Variants in TPTE2 observed in about 807,000 individuals in gnomAD.
TPTE2 encodes the protein phosphatidylinositol 3,4,5-trisphosphate 3-phosphatase TPTE2.
In TPTE2, 53 loss-of-function variants were observed where a neutral mutation model predicts 78.6. The observed-to-expected ratio is 0.67, with a 90% CI of 0.54 to 0.85. TPTE2 has a LOEUF of 0.85. Among genes scored for constraint, TPTE2 ranks in the 40% least tolerant of loss-of-function variants. TPTE2 has a pLI of 0.00. For missense variants in TPTE2, 461 were observed against 623.0 expected (o/e 0.74, Z 2.77); for synonymous variants, 175 against 206.2 (o/e 0.85, Z 1.30).
At chr13:19,464,763 A>G (rs1181539190) in intron 9 of TPTE2, among the ~76,000 whole-genome samples, 2 of 152,222 alleles carry the variant, frequency 1.3e-5, no homozygotes, top group African/African-American at 4.8e-5. Context: ...CCATGTACTT[A>G]TGATGGCCTC....
At chr13:19,471,292 G>C (rs1879600719) in intron 6 of TPTE2, among the ~76,000 whole-genome samples, 1 of 152,144 alleles carries the variant, frequency 6.6e-6, no homozygotes, top group Non-Finnish European at 1.5e-5. Flanking sequence ...TCATTGATAA[G>C]TAAGAACTCA....
At chr13:19,533,064 T>C (rs1451706510) in intron 1 of TPTE2, among the ~76,000 whole-genome samples, 1 of 152,236 alleles carries the variant, frequency 6.6e-6, no homozygotes, top group Non-Finnish European at 1.5e-5. Context: ...ATGAGTGTTA[T>C]ATGTGAAAAC....
At chr13:19,448,860 T>C (rs1878001355) in intron 13 of TPTE2, among the ~76,000 whole-genome samples, 1 of 152,232 alleles carries the variant, frequency 6.6e-6, no homozygotes, top group Non-Finnish European at 1.5e-5. Flanking sequence ...ACTGCAGCAT[T>C]ATTCATAATA....
chr13:19,557,670 A>G, the TPTE2 span, among the ~76,000 whole-genome samples: 1 of 152,152 alleles, frequency 6.6e-6, no homozygotes, highest in African/African-American at 2.4e-5. Context: ...TACAGTCCCA[A>G]GTTTTCCTTA....
At chr13:19,428,755 A>G (rs1285705245) in intron 17 of TPTE2, among the ~76,000 whole-genome samples, 2 of 152,140 alleles carry the variant, frequency 1.3e-5, no homozygotes, top group African/African-American at 2.4e-5. Flanking sequence ...AAAGGAAGAA[A>G]TAACCAACTA....
At chr13:19,530,354 AT>A (rs972797788) in intron 1 of TPTE2, among the ~76,000 whole-genome samples, 3 of 152,156 alleles carry the variant, frequency 2.0e-5, no homozygotes, top group African/African-American at 7.2e-5. Flanking sequence ...GTAAGTACCC[AT>A]GGGGTGCCGA....
Position 19,513,940 on chromosome 13 carries a change from T to G in TPTE2, c.-43-10663A>C, listed in dbSNP as rs146915852. On this transcript the variant is annotated intron_variant, in intron 1 of 17. Coordinates refer to the TPTE2 transcript ENST00000390680. The stretch of plus-strand genomic sequence containing the variant: ...ACAGATATCTTTGCTTCCCCTCAAA[T>G]AGGATCAAGTGACTAAACCTGAGGC... Among the ~76,000 whole-genome samples the G allele has an allele frequency of 6.1e-3, 928 of 152,228 alleles. 11 individuals are homozygous for G. The highest frequency in any genetic ancestry group is 8.3e-3 in the Non-Finnish European group (563 of 68,004).
At chr13:19,530,991 A>G (rs1478353015) in intron 1 of TPTE2, among the ~76,000 whole-genome samples, 3 of 152,306 alleles carry the variant, frequency 2.0e-5, no homozygotes, top group African/African-American at 7.2e-5. Flanking sequence ...GTCTATACCC[A>G]TTAAACACTA....
At chr13:19,466,181 A>G (rs1401866358) in intron 7 of TPTE2, among the ~76,000 whole-genome samples, 2 of 152,164 alleles carry the variant, frequency 1.3e-5, no homozygotes, top group Non-Finnish European at 2.9e-5. Flanking sequence ...GGCACATGTC[A>G]ATAAGAGCCA....
the TPTE2 span, among the ~76,000 whole-genome samples, chr13:19,551,566 A>G: frequency 1.3e-5 from 2 of 149,852 alleles, no homozygotes; most frequent in African/African-American, 4.9e-5. Context: ...AGCCTGAGAG[A>G]CAGAGAGAGA....
At chr13:19,454,196 T>C (rs754539437) in intron 10 of TPTE2, among the ~76,000 whole-genome samples, 2 of 152,194 alleles carry the variant, frequency 1.3e-5, no homozygotes, top group African/African-American at 2.4e-5. Flanking sequence ...TTACCACTTA[T>C]GAAATTGTAA....
At chr13:19,470,216 T>G (rs1879520433) in intron 6 of TPTE2, among the ~76,000 whole-genome samples, 2 of 152,194 alleles carry the variant, frequency 1.3e-5, no homozygotes, top group South Asian at 4.1e-4. Context: ...ATACCCAGTT[T>G]TTTTAGGGTG....
exon 5 of TPTE2, chr13:19,475,587 T>C (rs1478887959): frequency 1.2e-6 from 2 of 1,608,566 alleles, no homozygotes; most frequent in South Asian, 1.1e-5. Flanking sequence ...ATGCAAAGGA[T>C]GATACAATTG....
chr13:19,543,418 G>A, the TPTE2 span, among the ~76,000 whole-genome samples: 1 of 148,390 alleles, frequency 6.7e-6, no homozygotes, highest in African/African-American at 2.5e-5. Flanking sequence ...AGAGTGCGAT[G>A]GGCCATCTAG....
the TPTE2 span, among the ~76,000 whole-genome samples, chr13:19,548,505 T>C: frequency 1.7e-4 from 26 of 151,998 alleles, no homozygotes; most frequent in East Asian, 9.6e-4. Flanking sequence ...CCAGATACCA[T>C]AGAGGATATG....
intron 3 of TPTE2, among the ~76,000 whole-genome samples, chr13:19,487,730 A>G (rs1880746431): frequency 6.6e-6 from 1 of 152,168 alleles, no homozygotes; most frequent in South Asian, 2.1e-4. Flanking sequence ...GGAGAGGCAC[A>G]GTGGCTACTG....
intron 10 of TPTE2, among the ~76,000 whole-genome samples, chr13:19,457,389 T>G (rs1165299624): frequency 6.6e-6 from 1 of 152,196 alleles, no homozygotes; most frequent in East Asian, 1.9e-4. Context: ...TTAGGTTCAG[T>G]GGTACATGTG....
chr13:19,534,361 C>T lies in TPTE2; in HGVS notation c.-44+2235G>A, dbSNP rs145282006. On this transcript the variant is annotated intron_variant, in intron 1 of 17. Transcript: ENST00000390680. ...AGTCAAAGCATCATAAGCCCCAGAC[C>T]GTCTGTATATGAAACGCTCCCTTGG... 1.2e-3 allele frequency among the ~76,000 whole-genome samples: 187 copies of T among 152,228 alleles called. 2 individuals are homozygous for T. In the East Asian group the frequency reaches 0.03, roughly 25 times the overall value.
rs1456055633 is a variant in TPTE2 at position 19,520,926 on chromosome 13, CT to C, written c.-44+15669del. Among the ~76,000 whole-genome samples the C allele has an allele frequency of 2.0e-5, 3 of 151,972 alleles. No individual in the cohort carries two copies. The East Asian group carries it at 5.8e-4, about 29-fold the overall frequency. ...TCCCAAATTTCCTTCTCTTACTATT[CT>C]AACCTCATTTTATTGTAGTTGAGAA... On this transcript the variant is annotated intron_variant, in intron 1 of 17. Transcript: ENST00000390680.
Sources: gnomAD v4.1 joint callset for allele counts (sites outside exome capture counted in the v4.1 genomes callset) on GRCh38, gnomAD v4.1.1 for gene constraint, MANE v1.5 for transcripts, NCBI Gene and HGNC (gene_info 2026-07-23, HGNC 2026-07-21) for gene names.